TBCEL: variants seen among roughly 807,000 people sequenced by gnomAD.
TBCEL encodes tubulin-specific chaperone cofactor E-like protein.
In TBCEL, 15 loss-of-function variants were observed where a neutral mutation model predicts 44.2. The ratio of observed to expected loss-of-function variants is 0.34; its 90% confidence interval spans 0.23 to 0.52. The LOEUF (loss-of-function observed/expected upper bound fraction) is 0.52. TBCEL is among the 20% of genes least tolerant of loss of function. The probability of loss-of-function intolerance (pLI) is 0.95; values close to 1 mark genes in which losing one functional copy is unlikely to be tolerated. For missense variants in TBCEL, 319 were observed against 506.3 expected, an observed-to-expected ratio of 0.63 and a Z score of 3.55; for synonymous variants, 171 against 185.4, an observed-to-expected ratio of 0.92 and a Z score of 0.63.
intron 1 of TBCEL, among the ~76,000 whole-genome samples, chr11:121,024,604 C>T (rs969007262): frequency 6.6e-6 from 1 of 152,082 alleles, no homozygotes; most frequent in African/African-American, 2.4e-5. Flanking sequence ...GCCCGGGTTC[C>T]TGGGAGAATC....
intron 4 of TBCEL, 55 bp downstream of exon 4, chr11:121,047,722 A>G: frequency 6.3e-7 from 1 of 1,589,954 alleles, no homozygotes; most frequent in South Asian, 1.1e-5. Flanking sequence ...CCATTGTGTC[A>G]TTGTTTATGT....
chr11:121,027,466 A>G (rs1342318495), intron 1 of TBCEL, among the ~76,000 whole-genome samples: 4 of 152,206 alleles, frequency 2.6e-5, no homozygotes, highest in African/African-American at 9.6e-5. Context: ...TTTCCAGTAC[A>G]GGCACTGAAT....
At chr11:121,074,142 G>T (rs1266356300) in intron 8 of TBCEL, among the ~76,000 whole-genome samples, 1 of 151,812 alleles carries the variant, frequency 6.6e-6, no homozygotes, top group African/African-American at 2.4e-5. Context: ...ACGATTTGGG[G>T]GTAGGTGTTT....
At chr11:121,055,372 T>G in intron 6 of TBCEL, 64 bp downstream of exon 6, 1 of 1,421,616 alleles carries the variant, frequency 7.0e-7, no homozygotes, top group Non-Finnish European at 9.3e-7. Context: ...TGAAATACAA[T>G]GAAAGTATAT....
intron 8 of TBCEL, among the ~76,000 whole-genome samples, chr11:121,067,367 G>A (rs555099354): frequency 6.6e-4 from 100 of 152,308 alleles, no homozygotes; most frequent in African/African-American, 2.3e-3. Context: ...GGAGACTGAA[G>A]GGAGACATAC....
At chr11:121,061,973 A>C (rs1945732429) in intron 8 of TBCEL, among the ~76,000 whole-genome samples, 1 of 152,100 alleles carries the variant, frequency 6.6e-6, no homozygotes. Context: ...CTCTTTTGTA[A>C]TAACATTTAG....
At chr11:121,074,867 G>T (rs988967988) in intron 8 of TBCEL, among the ~76,000 whole-genome samples, 6 of 151,928 alleles carry the variant, frequency 3.9e-5, no homozygotes, top group Non-Finnish European at 8.8e-5. Context: ...GATAATTGTA[G>T]ATTCACATGC....
At chr11:121,061,195 GT>G (rs1037569937) in intron 8 of TBCEL, among the ~76,000 whole-genome samples, 9 of 152,020 alleles carry the variant, frequency 5.9e-5, no homozygotes, top group African/African-American at 2.2e-4. Context: ...GGTATATTAG[GT>G]TAAACCAGAT....
intron 8 of TBCEL, among the ~76,000 whole-genome samples, chr11:121,068,411 C>A (rs1051322723): frequency 4.0e-5 from 6 of 151,456 alleles, no homozygotes; most frequent in African/African-American, 1.5e-4. Flanking sequence ...GTTCTACTTT[C>A]AAAACCTATG....
At chr11:121,059,185 G>A (rs936014347) in intron 7 of TBCEL, among the ~76,000 whole-genome samples, 3 of 151,920 alleles carry the variant, frequency 2.0e-5, no homozygotes, top group African/African-American at 7.2e-5. Context: ...GTTGATCTTT[G>A]TGACAATCTA....
intron 8 of TBCEL, among the ~76,000 whole-genome samples, chr11:121,078,820 C>A (rs1030746433): frequency 1.3e-5 from 2 of 152,172 alleles, no homozygotes; most frequent in African/African-American, 4.8e-5. Context: ...TGTTCAGTTT[C>A]TGGTCCATGG....
chr11:121,057,540 A>C, intron 6 of TBCEL: 1 of 448,498 alleles, frequency 2.2e-6, no homozygotes. Flanking sequence ...TTGATAATAC[A>C]GTCAACCCTC....
At chr11:121,046,743 T>G in intron 3 of TBCEL, among the ~76,000 whole-genome samples, 1 of 152,118 alleles carries the variant, frequency 6.6e-6, no homozygotes, top group East Asian at 1.9e-4. Context: ...ATTCTCATGT[T>G]TATCCTTTTT....
chr11:121,060,420 CT>C lies in TBCEL; in HGVS notation c.956+336del, dbSNP rs374280240. ...TTTTTACCTACCCCCCCAAATTAGT[CT>C]GTTCATTCATGTTGGATCTACTTTT... On this transcript the variant is annotated intron_variant, in intron 8 of 8. Transcript: ENST00000683345. Among the ~76,000 whole-genome samples, 628 of 151,880 alleles carry C rather than the reference CT, an allele frequency of 4.1e-3. 9 individuals are homozygous for C. Among genetic ancestry groups the C allele is most frequent in the African/African-American group, 0.015 (609 of 41,476 alleles).
At chr11:121,060,992 G>A (rs1366328636) in intron 8 of TBCEL, among the ~76,000 whole-genome samples, 1 of 151,816 alleles carries the variant, frequency 6.6e-6, no homozygotes, top group Non-Finnish European at 1.5e-5. Flanking sequence ...AGATTTTAAG[G>A]GGGTTAACAT....
intron 2 of TBCEL, among the ~76,000 whole-genome samples, chr11:121,040,009 GA>G (rs1267109019): frequency 6.6e-6 from 1 of 152,160 alleles, no homozygotes; most frequent in African/African-American, 2.4e-5. Flanking sequence ...TGAAAGCTAT[GA>G]AAATTTCTTG....
intron 6 of TBCEL, among the ~76,000 whole-genome samples, chr11:121,058,103 G>A (rs1945654577): frequency 6.6e-6 from 1 of 151,806 alleles, no homozygotes; most frequent in African/African-American, 2.4e-5. Context: ...GTAGATGAGA[G>A]GATGTTAGAC....
At chr11:121,074,971 C>G (rs1280891330) in intron 8 of TBCEL, among the ~76,000 whole-genome samples, 1 of 151,960 alleles carries the variant, frequency 6.6e-6, no homozygotes, top group Non-Finnish European at 1.5e-5. Context: ...AGTATCACAA[C>G]CAGAATCTTA....
At chr11:121,034,766 A>C (rs1427911989) in intron 1 of TBCEL, among the ~76,000 whole-genome samples, 1 of 152,228 alleles carries the variant, frequency 6.6e-6, no homozygotes, top group Non-Finnish European at 1.5e-5. Flanking sequence ...TGAAAAGATG[A>C]CATGCCAGTA....
Sources: gnomAD v4.1 joint callset for allele counts (sites outside exome capture counted in the v4.1 genomes callset) on GRCh38, gnomAD v4.1.1 for gene constraint, MANE v1.5 for transcripts, NCBI Gene and HGNC (gene_info 2026-07-23, HGNC 2026-07-21) for gene names.